Variants in NCOA7 observed in about 807,000 individuals in gnomAD.
NCOA7 encodes the protein 140 kDa estrogen receptor-associated protein.
A neutral mutation model predicts 104.3 loss-of-function variants in NCOA7; 45 were observed. The observed-to-expected ratio is 0.43, with a 90% CI of 0.34 to 0.55. The LOEUF (loss-of-function observed/expected upper bound fraction) is 0.55. Ranked by LOEUF, NCOA7 falls within the 20% of genes least tolerant of loss-of-function variation. The probability of loss-of-function intolerance (pLI) is 0.02; values close to 1 mark genes in which losing one functional copy is unlikely to be tolerated. For missense variants in NCOA7, 1,041 were observed against 1,119.7 expected, an observed-to-expected ratio of 0.93 and a Z score of 1.00; for synonymous variants, 398 against 402.3, an observed-to-expected ratio of 0.99 and a Z score of 0.13.
At chr6:125,897,749 G>A (rs918769646) in intron 10 of NCOA7, among the ~76,000 whole-genome samples, 4 of 151,818 alleles carry the variant, frequency 2.6e-5, no homozygotes, top group African/African-American at 7.3e-5. Context: ...GCATGATCTC[G>A]GCTCACTGCA....
chr6:125,824,917 C>T (rs1166491914), intron 2 of NCOA7, among the ~76,000 whole-genome samples: 1 of 152,112 alleles, frequency 6.6e-6, no homozygotes, highest in Non-Finnish European at 1.5e-5. Flanking sequence ...TGCCACCACA[C>T]CCAGCTAATT....
chr6:125,846,521 G>A (rs1031834332), intron 2 of NCOA7, among the ~76,000 whole-genome samples: 6 of 152,152 alleles, frequency 3.9e-5, no homozygotes, highest in Non-Finnish European at 8.8e-5. Context: ...TTCCAATGCA[G>A]GTTGCAGGGC....
At chr6:125,927,097 C>T (rs1312335632) in intron 13 of NCOA7, among the ~76,000 whole-genome samples, 1 of 152,148 alleles carries the variant, frequency 6.6e-6, no homozygotes, top group African/African-American at 2.4e-5. Flanking sequence ...TCTTAAAAGT[C>T]ACTTTGAACT....
chr6:125,883,618 C>G (rs764510493), intron 7 of NCOA7, among the ~76,000 whole-genome samples: 2 of 151,654 alleles, frequency 1.3e-5, no homozygotes, highest in Non-Finnish European at 2.9e-5. Context: ...TTTGCCTATT[C>G]TAGACAATTT....
intron 11 of NCOA7, among the ~76,000 whole-genome samples, chr6:125,918,933 G>GAT (rs1258664742): frequency 6.6e-6 from 1 of 151,138 alleles, no homozygotes; most frequent in Admixed American, 6.6e-5. Flanking sequence ...TAGCCTTAAA[G>GAT]AAGGTGCTGG....
At chr6:125,884,591 A>G (rs1012556731) in intron 7 of NCOA7, among the ~76,000 whole-genome samples, 8 of 152,208 alleles carry the variant, frequency 5.3e-5, no homozygotes, top group African/African-American at 1.9e-4. Context: ...TAGTTCAGCT[A>G]TATTCACTCT....
chr6:125,838,175 G>A (rs1381112262), intron 2 of NCOA7, among the ~76,000 whole-genome samples: 1 of 152,132 alleles, frequency 6.6e-6, no homozygotes, highest in African/African-American at 2.4e-5. Context: ...AGACCATGAA[G>A]TGTTTACCCA....
At chr6:125,864,280 A>C (rs557797679) in intron 3 of NCOA7, among the ~76,000 whole-genome samples, 1 of 137,932 alleles carries the variant, frequency 7.2e-6, no homozygotes, top group African/African-American at 3.0e-5. Flanking sequence ...CAAATACTAC[A>C]GTAAAAAAGT....
intron 3 of NCOA7, among the ~76,000 whole-genome samples, chr6:125,855,878 T>C (rs952985155): frequency 2.0e-5 from 3 of 151,960 alleles, no homozygotes; most frequent in Admixed American, 2.0e-4. Flanking sequence ...AGAGACGGGG[T>C]TTCACCATGT....
intron 2 of NCOA7, among the ~76,000 whole-genome samples, chr6:125,840,487 A>G (rs1780025341): frequency 1.3e-5 from 2 of 151,930 alleles, no homozygotes; most frequent in African/African-American, 2.4e-5. Context: ...GCAACCATAC[A>G]TGGTAAGGAC....
Position 125,813,608 on chromosome 6 carries a change from G to A in NCOA7, c.-64-1683G>A, listed in dbSNP as rs986959147. Reference sequence around the variant, plus strand: ...TGGGATTACAGGCACCTGCCACCACGCCCGGCTAATTTTTGTATTTTTAGA... The same window carrying A: ...TGGGATTACAGGCACCTGCCACCACACCCGGCTAATTTTTGTATTTTTAGA... On this transcript the variant is annotated intron_variant, in intron 1 of 15. Transcript: ENST00000392477. Among the ~76,000 whole-genome samples the A allele has an allele frequency of 4.6e-5, 7 of 151,786 alleles. No individual in the cohort carries two copies. The East Asian group carries it at 1.2e-3, about 25-fold the overall frequency.
chr6:125,817,315 G>A (rs989048775), intron 2 of NCOA7, among the ~76,000 whole-genome samples: 1 of 152,188 alleles, frequency 6.6e-6, no homozygotes, highest in Admixed American at 6.5e-5. Flanking sequence ...AAAGATAAGT[G>A]TATTTTTAGT....
intron 13 of NCOA7, among the ~76,000 whole-genome samples, chr6:125,923,709 A>G (rs1787783275): frequency 6.6e-6 from 1 of 152,130 alleles, no homozygotes; most frequent in Admixed American, 6.5e-5. Flanking sequence ...CACTCAGCAA[A>G]TATCTAATTA....
At chr6:125,872,148 G>A (rs1041512233) in intron 3 of NCOA7, among the ~76,000 whole-genome samples, 3 of 151,906 alleles carry the variant, frequency 2.0e-5, no homozygotes, top group African/African-American at 7.3e-5. Context: ...AATATTACAT[G>A]CTTGACATTT....
At chr6:125,898,827 A>G (rs971715025) in intron 10 of NCOA7, among the ~76,000 whole-genome samples, 1 of 152,124 alleles carries the variant, frequency 6.6e-6, no homozygotes, top group African/African-American at 2.4e-5. Flanking sequence ...TCTAATAAAT[A>G]AAAAATGTAT....
chr6:125,786,818 C>T (rs1437209050), upstream of NCOA7, among the ~76,000 whole-genome samples: 2 of 152,092 alleles, frequency 1.3e-5, no homozygotes, highest in Non-Finnish European at 2.9e-5. Flanking sequence ...TCAAGTGATC[C>T]ACCCTCCTCG....
chr6:125,817,972 T>A (rs1583288828), intron 2 of NCOA7, among the ~76,000 whole-genome samples: 1 of 151,930 alleles, frequency 6.6e-6, no homozygotes, highest in East Asian at 1.9e-4. Flanking sequence ...TCTCCTCCCC[T>A]TCCTCCCCGT....
chr6:125,859,056 T>C (rs1781832538), intron 3 of NCOA7, among the ~76,000 whole-genome samples: 1 of 152,164 alleles, frequency 6.6e-6, no homozygotes, highest in Non-Finnish European at 1.5e-5. Flanking sequence ...TGGAGGAGAA[T>C]GTCAAGGGAA....
chr6:125,894,910 C>A (rs1458427090), intron 10 of NCOA7, among the ~76,000 whole-genome samples: 1 of 151,946 alleles, frequency 6.6e-6, no homozygotes, highest in East Asian at 1.9e-4. Context: ...ACTTATTTAC[C>A]TAGTTTTAAG....
Sources: allele counts gnomAD v4.1 joint callset (sites outside exome capture counted in the v4.1 genomes callset), GRCh38; gene constraint gnomAD v4.1.1; transcripts MANE v1.5; gene names NCBI Gene and HGNC (gene_info 2026-07-23, HGNC 2026-07-21).